CELF2: variants seen among roughly 807,000 people sequenced by gnomAD.
CELF2 encodes the protein CUG triplet repeat RNA-binding protein 2.
Under a neutral mutation model 62.6 loss-of-function variants are expected in CELF2, and 8 were observed. That is an observed-to-expected ratio of 0.13 (90% CI 0.07 to 0.23). The LOEUF (loss-of-function observed/expected upper bound fraction) is 0.23, where lower values mean the gene tolerates loss of function less well. Among genes scored for constraint, CELF2 ranks in the 10% least tolerant of loss-of-function variants. CELF2 has a pLI of 1.00. For synonymous variants in CELF2, 258 were observed against 250.0 expected, an observed-to-expected ratio of 1.03 and a Z score of -0.30; for missense variants, 333 against 671.0, an observed-to-expected ratio of 0.50 and a Z score of 5.56.
the CELF2 span, among the ~76,000 whole-genome samples, chr10:10,730,930 A>G: frequency 4.6e-5 from 7 of 152,234 alleles, no homozygotes; most frequent in African/African-American, 1.7e-4. Context: ...GATAAAATGC[A>G]TGAGACAGAA....
chr10:10,556,618 A>G, the CELF2 span, among the ~76,000 whole-genome samples: 3 of 152,130 alleles, frequency 2.0e-5, no homozygotes, highest in Non-Finnish European at 4.4e-5. Flanking sequence ...GCTGACTTCC[A>G]CAATGGTTGA....
At chr10:10,575,668 G>A in the CELF2 span, among the ~76,000 whole-genome samples, 1 of 152,130 alleles carries the variant, frequency 6.6e-6, no homozygotes, top group Non-Finnish European at 1.5e-5. Flanking sequence ...TGGCTACTGA[G>A]GTCATATGTT....
the CELF2 span, among the ~76,000 whole-genome samples, chr10:10,785,251 C>G: frequency 6.6e-6 from 1 of 152,148 alleles, no homozygotes; most frequent in African/African-American, 2.4e-5. Flanking sequence ...AATACTGACA[C>G]CTGGGTGCCA....
chr10:11,201,858 A>G (rs533029736), intron 2 of CELF2, among the ~76,000 whole-genome samples: 4 of 152,182 alleles, frequency 2.6e-5, no homozygotes, highest in Admixed American at 6.5e-5. Context: ...GGGAAATGCT[A>G]TTGTAAGAGG....
chr10:11,320,270 G>A (rs2095355965), intron 10 of CELF2, among the ~76,000 whole-genome samples: 1 of 152,180 alleles, frequency 6.6e-6, no homozygotes. Flanking sequence ...CAGGATACAA[G>A]GGGAGAAATC....
intron 1 of CELF2, among the ~76,000 whole-genome samples, chr10:11,045,057 G>A (rs982827401): frequency 6.6e-6 from 1 of 152,190 alleles, no homozygotes; most frequent in Admixed American, 6.5e-5. Context: ...TAATGTTCCA[G>A]TGCCTTCCAG....
intron 9 of CELF2, among the ~76,000 whole-genome samples, chr10:11,299,552 C>G (rs2093517626): frequency 6.6e-6 from 1 of 152,158 alleles, no homozygotes; most frequent in Non-Finnish European, 1.5e-5. Context: ...CTTGCCCTTT[C>G]TCTTCAGAGG....
At chr10:10,853,289 ATTATTT>A (rs2059500803) in intron 1 of CELF2, among the ~76,000 whole-genome samples, 1 of 152,106 alleles carries the variant, frequency 6.6e-6, no homozygotes, top group Non-Finnish European at 1.5e-5. Flanking sequence ...CCTATTAATC[ATTATTT>A]TAACTTTGTC....
chr10:11,028,865 C>T (rs1474459136), intron 1 of CELF2, among the ~76,000 whole-genome samples: 1 of 151,432 alleles, frequency 6.6e-6, no homozygotes, highest in African/African-American at 2.4e-5. Context: ...GATTACAGGC[C>T]CCCACCTGGC....
intron 1 of CELF2, among the ~76,000 whole-genome samples, chr10:11,058,532 TCTCGA>T (rs1207121904): frequency 1.4e-5 from 2 of 147,582 alleles, no homozygotes; most frequent in Non-Finnish European, 3.0e-5. Flanking sequence ...GGTGGTGCGA[TCTCGA>T]CTCGCTGCAA....
intron 9 of CELF2, among the ~76,000 whole-genome samples, chr10:11,307,011 A>G (rs1183172176): frequency 6.6e-6 from 1 of 152,180 alleles, no homozygotes; most frequent in East Asian, 1.9e-4. Context: ...ATCTGTGCCT[A>G]AGGAGTTCTC....
the CELF2 span, among the ~76,000 whole-genome samples, chr10:10,532,293 ATC>A: frequency 6.6e-6 from 1 of 152,226 alleles, no homozygotes; most frequent in Admixed American, 6.5e-5. Context: ...TAAGCCACAC[ATC>A]TGTTTGAAAA....
At chr10:11,127,179 A>G (rs2058847960) in intron 1 of CELF2, among the ~76,000 whole-genome samples, 1 of 152,106 alleles carries the variant, frequency 6.6e-6, no homozygotes, top group Non-Finnish European at 1.5e-5. Context: ...TTTGCTCAGA[A>G]TGATGGTTTC....
rs558734138 is a variant in CELF2 at position 11,290,324 on chromosome 10, C to T, written c.976+1772C>T. Among the ~76,000 whole-genome samples the T allele has an allele frequency of 2.4e-4, 37 of 152,196 alleles. No homozygotes were observed. Among genetic ancestry groups the T allele is most frequent in the Admixed American group, 5.9e-4 (9 of 15,292 alleles). On this transcript the variant is annotated intron_variant, in intron 9 of 12. Transcript: ENST00000633077. This position sits in a 1 kb window ranked among gnomAD's most constrained non-coding sequence, Gnocchi z 4.3. Reference sequence around the variant, plus strand: ...GACCTTTGAGCAGAGACCTGAGTTCCGTGACGGAAGCCATGGCGCGTGTTG... The same window carrying T: ...GACCTTTGAGCAGAGACCTGAGTTCTGTGACGGAAGCCATGGCGCGTGTTG...
chr10:10,574,695 TG>T, the CELF2 span, among the ~76,000 whole-genome samples: 1 of 144,204 alleles, frequency 6.9e-6, no homozygotes, highest in Non-Finnish European at 1.5e-5. Context: ...TGTATGTTAA[TG>T]TTTTTTTGTT....
the CELF2 span, among the ~76,000 whole-genome samples, chr10:10,591,581 C>A: frequency 2.0e-5 from 3 of 151,820 alleles, no homozygotes; most frequent in Non-Finnish European, 2.9e-5. Context: ...AACTGTGTTA[C>A]TTTTATAATC....
rs565404444 is a variant in CELF2 at position 11,178,512 on chromosome 10, C to T, written c.271+12830C>T. Among the ~76,000 whole-genome samples the T allele has an allele frequency of 9.9e-4, 150 of 152,202 alleles. No homozygotes were observed. The highest frequency in any genetic ancestry group is 1.8e-3 in the Non-Finnish European group (124 of 68,032). On this transcript the variant is annotated intron_variant, in intron 2 of 12. Transcript: ENST00000633077. This position sits in a 1 kb window ranked among gnomAD's most constrained non-coding sequence, Gnocchi z 4.3. ...TAAATTAAAGACACACTTTTGTAATCGTATATTTTAGGCTTTCCTCTCTAC... is the reference window on the plus strand; with the variant it reads ...TAAATTAAAGACACACTTTTGTAATTGTATATTTTAGGCTTTCCTCTCTAC...
At chr10:11,286,501 C>T (rs1271869804) in intron 8 of CELF2, among the ~76,000 whole-genome samples, 1 of 152,228 alleles carries the variant, frequency 6.6e-6, no homozygotes. Context: ...AGCCTTGGTG[C>T]TCCCTCACAC....
In CELF2 at chr10:11,008,655, A is replaced by C. The variant is rs553930989; in HGVS notation, c.53+3215A>C. Among the ~76,000 whole-genome samples, 75 of 152,342 alleles carry C rather than the reference A, an allele frequency of 4.9e-4. No individual in the cohort carries two copies. The highest frequency in any genetic ancestry group is 1.8e-3 in the African/African-American group (73 of 41,586). ...ATTGAGCACAGCCATGGAAACACGC[A>C]GGTTCTTGGAAAGAAAGTAAAATGC... On this transcript the variant is annotated intron_variant, in intron 1 of 12. Transcript: ENST00000416382. The surrounding 1 kb of genome is among the most constrained non-coding windows in gnomAD (Gnocchi z 4.5).
Sources: allele counts gnomAD v4.1 joint callset (sites outside exome capture counted in the v4.1 genomes callset), GRCh38; gene constraint gnomAD v4.1.1; non-coding constraint Gnocchi (gnomAD v3.1); transcripts MANE v1.5; gene names NCBI Gene and HGNC (gene_info 2026-07-23, HGNC 2026-07-21).